Variants in PDK1 observed in about 807,000 individuals in gnomAD.
The protein encoded by PDK1 is [Pyruvate dehydrogenase (acetyl-transferring)] kinase isozyme 1, mitochondrial.
A neutral mutation model predicts 54.2 loss-of-function variants in PDK1; 39 were observed. The observed-to-expected ratio is 0.72, with a 90% CI of 0.56 to 0.94. The LOEUF (loss-of-function observed/expected upper bound fraction) is 0.94. Among genes scored for constraint, PDK1 ranks in the 40% least tolerant of loss-of-function variants. The probability of loss-of-function intolerance (pLI) is 0.00; values close to 1 mark genes in which losing one functional copy is unlikely to be tolerated. For synonymous variants in PDK1, 221 were observed against 207.1 expected, an observed-to-expected ratio of 1.07 and a Z score of -0.58; for missense variants, 552 against 566.0, an observed-to-expected ratio of 0.98 and a Z score of 0.25.
chr2:172,633,927 G>A, the PDK1 span, among the ~76,000 whole-genome samples: 1 of 129,712 alleles, frequency 7.7e-6, no homozygotes, highest in South Asian at 2.5e-4. Flanking sequence ...CCAGACTGGA[G>A]TGCAGTGGCA....
chr2:172,700,167 A>C, the PDK1 span, among the ~76,000 whole-genome samples: 1 of 152,156 alleles, frequency 6.6e-6, no homozygotes, highest in African/African-American at 2.4e-5. Flanking sequence ...TTCCACACAG[A>C]CACAGTAACA....
At chr2:172,614,855 A>G in the PDK1 span, among the ~76,000 whole-genome samples, 1 of 152,244 alleles carries the variant, frequency 6.6e-6, no homozygotes, top group Non-Finnish European at 1.5e-5. Flanking sequence ...TAATTCAGAA[A>G]CACAAAAAGA....
intron 8 of PDK1, among the ~76,000 whole-genome samples, chr2:172,572,433 C>G (rs10180021): frequency 0.14 from 20,764 of 152,054 alleles, 1,601 homozygotes; most frequent in African/African-American, 0.19. Flanking sequence ...AAGAAAAAAC[C>G]CAAGTACTCC....
the PDK1 span, among the ~76,000 whole-genome samples, chr2:172,671,171 T>C: frequency 6.6e-6 from 1 of 151,698 alleles, no homozygotes; most frequent in African/African-American, 2.4e-5. Context: ...TATCATATAT[T>C]GTAGGATAAG....
At chr2:172,651,119 ACTGT>A in the PDK1 span, among the ~76,000 whole-genome samples, 2 of 152,194 alleles carry the variant, frequency 1.3e-5, no homozygotes, top group Non-Finnish European at 2.9e-5. Flanking sequence ...ATTATAACAA[ACTGT>A]CTCTCAGACC....
chr2:172,625,892 CATG>C, the PDK1 span, among the ~76,000 whole-genome samples: 1 of 152,110 alleles, frequency 6.6e-6, no homozygotes. Flanking sequence ...TGCTTAATGA[CATG>C]AATGAATCAG....
the PDK1 span, among the ~76,000 whole-genome samples, chr2:172,630,844 G>A: frequency 6.6e-6 from 1 of 152,080 alleles, no homozygotes; most frequent in Non-Finnish European, 1.5e-5. Context: ...TGGCCAGGCT[G>A]ATTTTGAACT....
the PDK1 span, among the ~76,000 whole-genome samples, chr2:172,714,683 T>C: frequency 1.3e-5 from 2 of 152,092 alleles, no homozygotes; most frequent in Non-Finnish European, 2.9e-5. Context: ...GAATGGAGCT[T>C]TTTTCCTTTT....
chr2:172,556,539 A>G (rs1330367214), intron 1 of PDK1, 193 bp downstream of exon 1: 2 of 447,288 alleles, frequency 4.5e-6, no homozygotes, highest in African/African-American at 4.1e-5. Context: ...CGGCGTAAAT[A>G]ACGGTGGGCG....
the PDK1 span, among the ~76,000 whole-genome samples, chr2:172,637,843 A>C: frequency 6.6e-6 from 1 of 151,950 alleles, no homozygotes; most frequent in Middle Eastern, 3.2e-3. Context: ...CTACAGGCGC[A>C]CACCACCACG....
the PDK1 span, among the ~76,000 whole-genome samples, chr2:172,656,549 A>G: frequency 2.0e-5 from 3 of 152,108 alleles, no homozygotes; most frequent in Non-Finnish European, 4.4e-5. Flanking sequence ...AGGCCCTGGT[A>G]AAATAGTTTC....
At chr2:172,696,839 AG>A in the PDK1 span, among the ~76,000 whole-genome samples, 1 of 152,174 alleles carries the variant, frequency 6.6e-6, no homozygotes, top group South Asian at 2.1e-4. Context: ...GGATCCTTGT[AG>A]TGTATGAAAT....
chr2:172,586,644 T>G (rs1040531909), intron 9 of PDK1, among the ~76,000 whole-genome samples: 42 of 152,206 alleles, frequency 2.8e-4, no homozygotes, highest in African/African-American at 9.2e-4. Flanking sequence ...TTTTCCTGTG[T>G]AAAACCACAT....
At chr2:172,595,806 G>C (rs777300979) in intron 10 of PDK1, 23 bp from the exon 11 acceptor site, 2 of 1,602,958 alleles carry the variant, frequency 1.2e-6, no homozygotes, top group Admixed American at 1.7e-5. Flanking sequence ...AGACTTAATA[G>C]GTCTTAGGTT....
At chr2:172,672,891 A>G in the PDK1 span, among the ~76,000 whole-genome samples, 2 of 150,958 alleles carry the variant, frequency 1.3e-5, no homozygotes, top group South Asian at 4.2e-4. Flanking sequence ...GCAGCAGGAC[A>G]TACCCAAGTC....
the PDK1 span, among the ~76,000 whole-genome samples, chr2:172,707,120 G>A: frequency 2.1e-4 from 32 of 152,286 alleles, 1 homozygote; most frequent in South Asian, 6.0e-3. Context: ...CACCAGCAGG[G>A]AAGGGTAGGG....
Position 172,569,897 on chromosome 2 carries a change from GA to G in PDK1, c.847-827del, listed in dbSNP as rs537037862. Among the ~76,000 whole-genome samples the G allele has an allele frequency of 5.3e-5, 8 of 152,210 alleles. No individual in the cohort carries two copies. In the South Asian group the frequency reaches 1.5e-3, roughly 28 times the overall value. ...TGATGGGCACTTCAAGCATTAACAC[GA>G]ATTTTTTCCTTGAAATTCCAGTGGC... On this transcript the variant is annotated intron_variant, in intron 7 of 10. Transcript: ENST00000282077.
chr2:172,619,488 CT>C, the PDK1 span, among the ~76,000 whole-genome samples: 432 of 146,474 alleles, frequency 2.9e-3, 2 homozygotes, highest in East Asian at 0.035. Flanking sequence ...CTAGGCCTAG[CT>C]TTTTTTTTTT....
chr2:172,713,158 G>C, the PDK1 span, among the ~76,000 whole-genome samples: 1 of 152,220 alleles, frequency 6.6e-6, no homozygotes, highest in Non-Finnish European at 1.5e-5. Context: ...TCACTGGAGA[G>C]GAGACTCATG....
Sources: allele counts gnomAD v4.1 joint callset (sites outside exome capture counted in the v4.1 genomes callset), GRCh38; gene constraint gnomAD v4.1.1; transcripts MANE v1.5; gene names NCBI Gene and HGNC (gene_info 2026-07-23, HGNC 2026-07-21).